PPA2: variants seen among roughly 807,000 people sequenced by gnomAD.
The protein encoded by PPA2 is inorganic pyrophosphatase 2, mitochondrial.
PPA2 carries 48 observed loss-of-function variants against 49.5 expected under a neutral mutation model. That is an observed-to-expected ratio of 0.97 (90% confidence interval 0.77 to 1.23). The LOEUF (loss-of-function observed/expected upper bound fraction) is 1.23, where lower values mean the gene tolerates loss of function less well. PPA2 is among the 50% of genes most tolerant of loss of function. The pLI is 0.00. For missense variants in PPA2, 429 were observed against 410.1 expected, an observed-to-expected ratio of 1.05 and a Z score of -0.40; for synonymous variants, 131 against 139.9, an observed-to-expected ratio of 0.94 and a Z score of 0.45.
chr4:105,473,744 GAAGT>G (rs1225847906), intron 1 of PPA2, 146 bp downstream of exon 1: 28 of 1,160,212 alleles, frequency 2.4e-5, no homozygotes, highest in Non-Finnish European at 3.3e-5. Flanking sequence ...GCTCCCGCGG[GAAGT>G]AAGGTGGCCT....
At position 105,474,025 on chromosome 4, in the gene PPA2, C is replaced by A. The variant is rs757918569; in HGVS notation, c.26G>T (p.Arg9Leu). MSALLRLL[R>L]TGAPAAACLR... ...GCACGCAGCGGCTGGGGCACCCGTG[C>A]GCAGCAGCCGCAGCAGCGCGCTCAT... is the stretch of plus-strand genomic sequence containing the variant. The change falls in exon 1 of 12, where the codon CGC (arginine) becomes CTC (leucine). Residue 9 changes from arginine (R) to leucine (L), a missense_variant. Physicochemically the swap from Arg to Leu is moderately radical, Grantham distance 102. Coordinates refer to ENST00000341695, the MANE Select transcript of PPA2 (RefSeq NM_176869.3). 4.3e-5 allele frequency: 69 copies of A among 1,590,988 alleles called. No homozygotes were observed. Among genetic ancestry groups the A allele is most frequent in the Non-Finnish European group, 5.6e-5 (66 of 1,168,836 alleles).
chr4:105,447,899 T>C (rs1297860106), intron 4 of PPA2: 3 of 189,076 alleles, frequency 1.6e-5, no homozygotes, highest in African/African-American at 2.4e-5. Context: ...ATGCAAAAAT[T>C]TGTGCCCAGC....
chr4:105,467,724 T>C (rs1015636102), intron 1 of PPA2, among the ~76,000 whole-genome samples: 1 of 152,148 alleles, frequency 6.6e-6, no homozygotes, highest in African/African-American at 2.4e-5. Context: ...TGTCTTTTGG[T>C]ACATTTCAAA....
At chr4:105,462,624 T>C (rs537778915) in intron 1 of PPA2, among the ~76,000 whole-genome samples, 1 of 152,352 alleles carries the variant, frequency 6.6e-6, no homozygotes, top group South Asian at 2.1e-4. Context: ...AAGTTCTTAA[T>C]TGGCTAATGT....
Position 105,456,649 on chromosome 4 carries a change from G to C in PPA2, c.222+32C>G, listed in dbSNP as rs762795255. On this transcript the variant is annotated intron_variant, in intron 2 of 11. Coordinates refer to ENST00000341695, the MANE Select transcript of PPA2 (RefSeq NM_176869.3). ...TCTAATGGTGATACTGGCAGTACAC[G>C]TTTTCATTCCCAAAACAAGTCAAAA... is the stretch of plus-strand genomic sequence containing the variant. 5 of 1,529,516 alleles carry C rather than the reference G, an allele frequency of 3.3e-6. No homozygotes were observed. In the Admixed American group the frequency reaches 9.4e-5, roughly 29 times the overall value. 94.7% of individuals were successfully genotyped at this position (1,529,516 alleles called of 1,614,324 possible).
chr4:105,436,089 G>T (rs928605138), intron 6 of PPA2, among the ~76,000 whole-genome samples: 4 of 152,070 alleles, frequency 2.6e-5, no homozygotes, highest in Admixed American at 2.6e-4. Flanking sequence ...TCCTAGACTT[G>T]TTAAACAACT....
chr4:105,404,671 T>A (rs1255829011), intron 7 of PPA2, among the ~76,000 whole-genome samples: 3 of 152,210 alleles, frequency 2.0e-5, no homozygotes, highest in African/African-American at 7.2e-5. Flanking sequence ...TAAAAGGGAA[T>A]AATTCTTAAC....
At chr4:105,383,378 G>C (rs1733568121) in intron 10 of PPA2, among the ~76,000 whole-genome samples, 1 of 152,062 alleles carries the variant, frequency 6.6e-6, no homozygotes, top group African/African-American at 2.4e-5. Flanking sequence ...TCATCAATTT[G>C]TTAGTTTATA....
chr4:105,469,193 C>T (rs985071844), intron 1 of PPA2, among the ~76,000 whole-genome samples: 3 of 152,100 alleles, frequency 2.0e-5, no homozygotes, highest in African/African-American at 7.2e-5. Flanking sequence ...GTCATTTTTG[C>T]CATGGTATTT....
intron 7 of PPA2, among the ~76,000 whole-genome samples, chr4:105,413,134 T>C (rs942313757): frequency 2.0e-5 from 3 of 152,272 alleles, no homozygotes; most frequent in African/African-American, 7.2e-5. Context: ...ATATACACCA[T>C]GGAATACTAT....
At chr4:105,393,375 T>G (rs1207476486) in intron 9 of PPA2, among the ~76,000 whole-genome samples, 1 of 151,530 alleles carries the variant, frequency 6.6e-6, no homozygotes, top group East Asian at 1.9e-4. Context: ...ATGCCTGTAC[T>G]TGGGAGGCTG....
At chr4:105,472,305 G>C (rs1490013321) in intron 1 of PPA2, among the ~76,000 whole-genome samples, 1 of 152,186 alleles carries the variant, frequency 6.6e-6, no homozygotes, top group Non-Finnish European at 1.5e-5. Flanking sequence ...CAACTACTCT[G>C]TGCGCTCCTG....
intron 4 of PPA2, among the ~76,000 whole-genome samples, chr4:105,447,509 CTAAGAG>C (rs1722445424): frequency 6.6e-6 from 1 of 152,038 alleles, no homozygotes; most frequent in Non-Finnish European, 1.5e-5. Context: ...TTCAAAATTG[CTAAGAG>C]TAAATTTCAA....
intron 7 of PPA2, among the ~76,000 whole-genome samples, chr4:105,409,213 C>G (rs989162613): frequency 9.2e-5 from 14 of 152,238 alleles, no homozygotes; most frequent in African/African-American, 2.7e-4. Context: ...GCGCTTTTCC[C>G]ACAGTCTTCA....
chr4:105,396,267 T>C lies in PPA2; in HGVS notation c.851A>G (p.Asn284Ser). The change falls in exon 9 of 12, where the codon AAT (asparagine) becomes AGT (serine). Residue 284 changes from asparagine to serine, a missense_variant. By Grantham distance (46) the Asn-to-Ser change is conservative. Transcript: ENST00000341695. ...CWKALLMKKC[N>S]GGAINCTNVQ... ...TTCTTACCAATTTATAGCTCCTCCA[T>C]TACACTTCTTCATAAGCAATGCTTT... 1 of 1,591,178 alleles carries C rather than the reference T, an allele frequency of 6.3e-7. No individual in the cohort carries two copies. Among genetic ancestry groups the C allele is most frequent in the Non-Finnish European group, 8.6e-7 (1 of 1,167,074 alleles).
At chr4:105,464,071 C>T (rs911750919) in intron 1 of PPA2, among the ~76,000 whole-genome samples, 2 of 152,194 alleles carry the variant, frequency 1.3e-5, no homozygotes, top group African/African-American at 4.8e-5. Context: ...TTCCACCATG[C>T]ACCCAGAAAA....
At chr4:105,415,469 A>G (rs569668609) in intron 7 of PPA2, among the ~76,000 whole-genome samples, 2 of 152,342 alleles carry the variant, frequency 1.3e-5, no homozygotes, top group South Asian at 4.1e-4. Context: ...AGCACCCAGG[A>G]TCGGCCTCGA....
chr4:105,431,573 A>G (rs1013403623), intron 6 of PPA2, among the ~76,000 whole-genome samples: 2 of 152,242 alleles, frequency 1.3e-5, no homozygotes, highest in African/African-American at 4.8e-5. Context: ...TGACCCAGCA[A>G]TTCCATTCCT....
intron 4 of PPA2, among the ~76,000 whole-genome samples, chr4:105,447,005 A>G (rs1417262073): frequency 6.6e-6 from 1 of 152,214 alleles, no homozygotes; most frequent in Non-Finnish European, 1.5e-5. Flanking sequence ...ATTAGGCAAG[A>G]GAAAACAGTA....
Sources: gnomAD v4.1 joint callset for allele counts (sites outside exome capture counted in the v4.1 genomes callset) on GRCh38, gnomAD v4.1.1 for gene constraint, MANE v1.5 for transcripts, NCBI Gene and HGNC (gene_info 2026-07-23, HGNC 2026-07-21) for gene names.